The following PTPRR variants were observed in gnomAD, a reference collection of about 807,000 sequenced individuals.
PTPRR encodes the protein receptor-type tyrosine-protein phosphatase R.
In PTPRR, 38 loss-of-function variants were observed where a neutral mutation model predicts 77.2. The observed-to-expected ratio is 0.49, with a 90% confidence interval of 0.38 to 0.65. The LOEUF is 0.65. Among genes scored for constraint, PTPRR ranks in the 30% least tolerant of loss-of-function variants. PTPRR has a pLI of 0.00. For missense variants in PTPRR, 744 were observed against 799.2 expected (o/e 0.93, Z 0.83); for synonymous variants, 299 against 283.1 (o/e 1.06, Z -0.57).
chr12:70,790,718 C>T (rs185702250), intron 2 of PTPRR, among the ~76,000 whole-genome samples: 1 of 152,260 alleles, frequency 6.6e-6, no homozygotes, highest in Admixed American at 6.5e-5. Flanking sequence ...CTTTCCGTAA[C>T]TAGCAACTTC....
intron 5 of PTPRR, among the ~76,000 whole-genome samples, chr12:70,747,463 T>C (rs528776039): frequency 2.6e-5 from 4 of 152,218 alleles, no homozygotes; most frequent in Non-Finnish European, 5.9e-5. Flanking sequence ...TATGAGAACA[T>C]TTGCTTGCCT....
chr12:70,692,050 T>G (rs776583021), intron 8 of PTPRR, among the ~76,000 whole-genome samples: 3 of 152,184 alleles, frequency 2.0e-5, no homozygotes, highest in Non-Finnish European at 4.4e-5. Context: ...TTAAGTCATC[T>G]TTTACAAAAA....
At chr12:70,904,146 T>A (rs1893584509) in intron 1 of PTPRR, among the ~76,000 whole-genome samples, 1 of 151,828 alleles carries the variant, frequency 6.6e-6, no homozygotes, top group African/African-American at 2.4e-5. Context: ...TGGAAAATGG[T>A]TTGACAGTTT....
At chr12:70,808,929 C>A (rs752069481) in intron 2 of PTPRR, among the ~76,000 whole-genome samples, 2 of 152,162 alleles carry the variant, frequency 1.3e-5, no homozygotes, top group Non-Finnish European at 2.9e-5. Context: ...AGAAATTGCT[C>A]TTTTCCTGTC....
intron 2 of PTPRR, among the ~76,000 whole-genome samples, chr12:70,805,538 T>C (rs1425690393): frequency 6.6e-6 from 1 of 152,130 alleles, no homozygotes; most frequent in Non-Finnish European, 1.5e-5. Flanking sequence ...CTTTTTAAAC[T>C]TGTGCAGAGA....
intron 2 of PTPRR, among the ~76,000 whole-genome samples, chr12:70,794,673 C>T (rs962856971): frequency 1.2e-4 from 19 of 152,222 alleles, no homozygotes; most frequent in Admixed American, 5.9e-4. Flanking sequence ...GGGCCTCCGA[C>T]AGCTGATCAA....
chr12:70,666,067 ACAT>A (rs1886981587), intron 10 of PTPRR, among the ~76,000 whole-genome samples: 1 of 152,182 alleles, frequency 6.6e-6, no homozygotes, highest in Non-Finnish European at 1.5e-5. Context: ...ACCTTCACCA[ACAT>A]CATATCATTT....
chr12:70,781,271 T>C (rs1284591126), intron 2 of PTPRR, among the ~76,000 whole-genome samples: 2 of 152,332 alleles, frequency 1.3e-5, no homozygotes, highest in Admixed American at 6.5e-5. Flanking sequence ...TCAGCACAGA[T>C]ATCTATGCTT....
chr12:70,731,074 AAG>A (rs750470782), intron 6 of PTPRR, among the ~76,000 whole-genome samples: 2 of 86,874 alleles, frequency 2.3e-5, no homozygotes, highest in African/African-American at 3.9e-5. Flanking sequence ...GGAGGAAGGC[AAG>A]AGAGAGGAAG....
intron 2 of PTPRR, among the ~76,000 whole-genome samples, chr12:70,788,383 A>G (rs893484262): frequency 3.3e-5 from 5 of 152,172 alleles, no homozygotes; most frequent in African/African-American, 1.2e-4. Flanking sequence ...TAGTGAATTA[A>G]CCCACTGTAA....
intron 6 of PTPRR, among the ~76,000 whole-genome samples, chr12:70,740,749 G>T (rs1336183735): frequency 6.6e-6 from 1 of 152,116 alleles, no homozygotes; most frequent in African/African-American, 2.4e-5. Context: ...ATTGGGACAA[G>T]TGACTTATAA....
chr12:70,772,590 C>T (rs979594160), intron 2 of PTPRR, among the ~76,000 whole-genome samples: 2 of 152,038 alleles, frequency 1.3e-5, no homozygotes, highest in African/African-American at 2.4e-5. Context: ...AGATGATGGG[C>T]CCAGCTAAAG....
intron 6 of PTPRR, among the ~76,000 whole-genome samples, chr12:70,712,698 T>C (rs2136819006): frequency 6.6e-6 from 1 of 152,126 alleles, no homozygotes; most frequent in South Asian, 2.1e-4. Flanking sequence ...GTTTTTATGC[T>C]TGCTATAAGA....
intron 2 of PTPRR, among the ~76,000 whole-genome samples, chr12:70,827,033 T>C (rs1565710635): frequency 6.6e-6 from 1 of 152,208 alleles, no homozygotes; most frequent in Non-Finnish European, 1.5e-5. Flanking sequence ...AGACTTGGAT[T>C]CAGATGTTAG....
At chr12:70,812,173 C>CA (rs2137031650) in intron 2 of PTPRR, among the ~76,000 whole-genome samples, 1 of 152,242 alleles carries the variant, frequency 6.6e-6, no homozygotes, top group East Asian at 1.9e-4. Flanking sequence ...TACAAAATCT[C>CA]AGAGGTGTTA....
At chr12:70,862,811 T>C (rs1427722229) in intron 2 of PTPRR, among the ~76,000 whole-genome samples, 1 of 151,996 alleles carries the variant, frequency 6.6e-6, no homozygotes, top group Non-Finnish European at 1.5e-5. Flanking sequence ...AGAAATTAAA[T>C]CAATAATTCC....
At chr12:70,883,587 C>A (rs994830128) in intron 2 of PTPRR, among the ~76,000 whole-genome samples, 1 of 152,098 alleles carries the variant, frequency 6.6e-6, no homozygotes, top group Non-Finnish European at 1.5e-5. Flanking sequence ...CTGTTGTGTG[C>A]CAAGGACTAT....
At chr12:70,715,547 A>G (rs1206388758) in intron 6 of PTPRR, among the ~76,000 whole-genome samples, 1 of 152,210 alleles carries the variant, frequency 6.6e-6, no homozygotes, top group African/African-American at 2.4e-5. Context: ...TCACCCCTAC[A>G]GTCTACAGAC....
At chr12:70,844,333 G>A (rs1367679359) in intron 2 of PTPRR, among the ~76,000 whole-genome samples, 1 of 152,108 alleles carries the variant, frequency 6.6e-6, no homozygotes, top group Non-Finnish European at 1.5e-5. Flanking sequence ...GATGGGTCAA[G>A]GGTTATGTGT....
Sources: gnomAD v4.1 joint callset for allele counts (sites outside exome capture counted in the v4.1 genomes callset) on GRCh38, gnomAD v4.1.1 for gene constraint, MANE v1.5 for transcripts, NCBI Gene and HGNC (gene_info 2026-07-23, HGNC 2026-07-21) for gene names.